The following PDZD2 variants were observed in gnomAD, a reference collection of about 807,000 sequenced individuals.
PDZD2 encodes the protein PDZ domain-containing protein 2.
A neutral mutation model predicts 220.7 loss-of-function variants in PDZD2; 90 were observed. The observed-to-expected ratio is 0.41, with a 90% CI of 0.34 to 0.49. The LOEUF is 0.49. PDZD2 is among the 20% of genes least tolerant of loss of function. The pLI, the probability that PDZD2 is intolerant of heterozygous loss-of-function variation, is 0.28. For synonymous variants in PDZD2, 1,375 were observed against 1,450.5 expected (o/e 0.95, Z 1.18); for missense variants, 3,174 against 3,608.5 (o/e 0.88, Z 3.08).
chr5:31,864,290 TTC>T (rs1328502733), intron 2 of PDZD2, among the ~76,000 whole-genome samples: 2 of 152,210 alleles, frequency 1.3e-5, no homozygotes, highest in Non-Finnish European at 2.9e-5. Context: ...GCAGTTTCCC[TTC>T]TGTTGTTGCT....
intron 2 of PDZD2, among the ~76,000 whole-genome samples, chr5:31,845,126 A>G (rs576838056): frequency 3.3e-5 from 5 of 152,312 alleles, no homozygotes; most frequent in South Asian, 2.1e-4. Context: ...CGGACTATCA[A>G]ACATCTCCAG....
In PDZD2 at chr5:32,002,633, CACCAACACA is replaced by C. The variant is rs1319928595; in HGVS notation, c.1254+2363_1254+2371del. ...CACACACCAACACACACCAACACAC[CACCAACACA>C]CACACCCCACATACTACACACACAC... On this transcript the variant is annotated intron_variant, in intron 5 of 24. Coordinates refer to ENST00000438447, the MANE Select transcript of PDZD2 (RefSeq NM_178140.4). Among the ~76,000 whole-genome samples the C allele has an allele frequency of 3.7e-3, 254 of 68,144 alleles. 1 individual carries two copies. The highest frequency in any genetic ancestry group is 0.014 in the African/African-American group (246 of 17,458). The allele number at this position is 68,144 out of a possible 152,430, so 44.7% of individuals were successfully genotyped here.
At chr5:32,008,658 G>A (rs1000341919) in intron 5 of PDZD2, among the ~76,000 whole-genome samples, 7 of 152,296 alleles carry the variant, frequency 4.6e-5, no homozygotes, top group Admixed American at 4.6e-4. Context: ...TCATGGATAT[G>A]TGAGCTCTGG....
chr5:31,996,965 G>C (rs561264945), intron 4 of PDZD2, among the ~76,000 whole-genome samples: 1 of 152,206 alleles, frequency 6.6e-6, no homozygotes, highest in Non-Finnish European at 1.5e-5. Context: ...GCTAGAGCAT[G>C]TGCAAAACAG....
intron 2 of PDZD2, among the ~76,000 whole-genome samples, chr5:31,815,591 T>C (rs1353940080): frequency 3.3e-5 from 5 of 152,174 alleles, no homozygotes; most frequent in Admixed American, 3.3e-4. Flanking sequence ...CGCTGGTCTG[T>C]TGTGCCTGAA....
intron 1 of PDZD2, among the ~76,000 whole-genome samples, chr5:31,688,761 G>GAAT (rs754577057): frequency 6.6e-6 from 1 of 152,140 alleles, no homozygotes; most frequent in Non-Finnish European, 1.5e-5. Context: ...AAGAGTGAAT[G>GAAT]AATATACTGC....
intron 2 of PDZD2, among the ~76,000 whole-genome samples, chr5:31,895,726 C>T (rs557975484): frequency 8.5e-5 from 13 of 152,226 alleles, no homozygotes; most frequent in African/African-American, 3.1e-4. Flanking sequence ...ACAAAATACA[C>T]ATACCTCCCT....
intron 19 of PDZD2, among the ~76,000 whole-genome samples, chr5:32,084,295 G>T (rs1742244673): frequency 6.6e-6 from 1 of 152,218 alleles, no homozygotes; most frequent in South Asian, 2.1e-4. Context: ...GCAGTAGCAT[G>T]GGCTGTGGAG....
intron 2 of PDZD2, among the ~76,000 whole-genome samples, chr5:31,955,529 G>A (rs1302404705): frequency 2.6e-5 from 4 of 151,900 alleles, no homozygotes; most frequent in Admixed American, 6.6e-5. Context: ...TTGAACTCCC[G>A]ACCTCAGGTG....
intron 2 of PDZD2, among the ~76,000 whole-genome samples, chr5:31,802,426 C>T (rs530593697): frequency 3.3e-4 from 50 of 152,308 alleles, no homozygotes; most frequent in African/African-American, 1.1e-3. Context: ...TTCGGTGCAA[C>T]ACTCCACTTA....
chr5:32,003,464 AC>A lies in PDZD2; in HGVS notation c.1254+3201del, dbSNP rs112975127. 9.5e-3 allele frequency among the ~76,000 whole-genome samples: 470 copies of A among 49,574 alleles called. 2 individuals carry two copies. Among genetic ancestry groups the A allele is most frequent in the African/African-American group, 0.036 (341 of 9,558 alleles). 32.5% of individuals were successfully genotyped at this position (49,574 alleles called of 152,430 possible). A position where few individuals can be genotyped will look rare whatever the true frequency, so the allele number is the denominator to read the frequency against. On this transcript the variant is annotated intron_variant, in intron 5 of 24. Transcript: ENST00000438447. ...TACACACTCCCCCCAACACACACCC[AC>A]CCCCCCCACACCACACTACACACAC...
At chr5:31,670,863 A>T (rs1425191881) in intron 1 of PDZD2, among the ~76,000 whole-genome samples, 5 of 152,188 alleles carry the variant, frequency 3.3e-5, no homozygotes, top group Admixed American at 6.5e-5. Context: ...AACTGCGGTG[A>T]CAGCCAGGGC....
intron 2 of PDZD2, among the ~76,000 whole-genome samples, chr5:31,896,917 A>C (rs895578234): frequency 6.6e-6 from 1 of 152,214 alleles, no homozygotes. Context: ...TGATTGTGCC[A>C]TTGCACTCCA....
chr5:32,073,289 C>T (rs1165645221), intron 17 of PDZD2, among the ~76,000 whole-genome samples: 6 of 152,280 alleles, frequency 3.9e-5, no homozygotes, highest in East Asian at 3.9e-4. Flanking sequence ...ATATAAAAAT[C>T]GTTGCAGATT....
At chr5:31,871,356 G>A (rs1283687514) in intron 2 of PDZD2, among the ~76,000 whole-genome samples, 2 of 152,044 alleles carry the variant, frequency 1.3e-5, no homozygotes, top group East Asian at 1.9e-4. Context: ...TCTTTAATTC[G>A]CCCCAATTTT....
chr5:31,776,923 T>C (rs990941170), intron 1 of PDZD2, among the ~76,000 whole-genome samples: 2 of 152,016 alleles, frequency 1.3e-5, no homozygotes, highest in Non-Finnish European at 2.9e-5. Context: ...CCTCCCAAAA[T>C]GCTAGTGAGG....
chr5:31,812,746 T>G (rs2150245123), intron 2 of PDZD2, among the ~76,000 whole-genome samples: 1 of 152,332 alleles, frequency 6.6e-6, no homozygotes, highest in East Asian at 1.9e-4. Flanking sequence ...AATTTCTTAT[T>G]TTTATTTTTA....
chr5:32,013,125 A>G (rs1284402728), intron 6 of PDZD2, among the ~76,000 whole-genome samples: 1 of 152,036 alleles, frequency 6.6e-6, no homozygotes. Flanking sequence ...ATGAAACGCT[A>G]TGGTCTTAAT....
At chr5:31,749,096 C>G (rs577073101) in intron 1 of PDZD2, among the ~76,000 whole-genome samples, 99 of 151,804 alleles carry the variant, frequency 6.5e-4, no homozygotes, top group Admixed American at 7.9e-4. Flanking sequence ...TGGGGGGGGG[C>G]CTTAATTTGT....
Sources: gnomAD v4.1 joint callset for allele counts (sites outside exome capture counted in the v4.1 genomes callset) on GRCh38, gnomAD v4.1.1 for gene constraint, MANE v1.5 for transcripts, NCBI Gene and HGNC (gene_info 2026-07-23, HGNC 2026-07-21) for gene names.